The following ZNF711 variants were observed in gnomAD, a reference collection of about 807,000 sequenced individuals.
ZNF711 encodes the protein ZFX family zinc finger ZNF711, also known as zinc finger protein 711.
In ZNF711, 3 loss-of-function variants were observed where a neutral mutation model predicts 43.5. That is an observed-to-expected ratio of 0.07 (90% CI 0.03 to 0.18). The LOEUF (loss-of-function observed/expected upper bound fraction) is 0.18, where lower values mean the gene tolerates loss of function less well. Among genes scored for constraint, ZNF711 ranks in the 10% least tolerant of loss-of-function variants. The probability of loss-of-function intolerance (pLI) is 1.00; values close to 1 mark genes in which losing one functional copy is unlikely to be tolerated. For synonymous variants in ZNF711, 209 were observed against 207.7 expected, an observed-to-expected ratio of 1.01 and a Z score of -0.06; for missense variants, 412 against 604.0, an observed-to-expected ratio of 0.68 and a Z score of 3.33.
In ZNF711 at chrX:85,255,322, C is replaced by G. The variant is rs772908315; in HGVS notation, c.143C>G (p.Ala48Gly). ...CATATTGTTGTTTCAGTTCCTGAAG[C>G]TGTTTTAGTTTCTGATGTTGTCACA... is the stretch of plus-strand genomic sequence containing the variant. Reference protein sequence around the residue: ...GDHIVVSVPEAVLVSDVVTDD... With the variant: ...GDHIVVSVPEGVLVSDVVTDD... The change falls in exon 5 of 11, where the codon GCT becomes GGT. Residue 48 changes from alanine (A) to glycine (G), a missense_variant. By Grantham distance (60) the Ala-to-Gly change is moderately conservative. Around this residue, in one of 4 missense-constraint regions of ZNF711, gnomAD observed 375 missense variants for 514.2 expected, o/e 0.73. Coordinates refer to ENST00000674551, the MANE Select transcript of ZNF711 (RefSeq NM_001330574.2). The G allele has an allele frequency of 8.3e-7, 1 of 1,211,318 alleles. No individual in the cohort carries two copies. Among genetic ancestry groups the G allele is most frequent in the East Asian group, 3.0e-5 (1 of 33,828 alleles).
At chrX:85,253,497 A>G (rs1379002874) in intron 4 of ZNF711, among the ~76,000 whole-genome samples, 1 of 111,301 alleles carries the variant, frequency 9.0e-6, no homozygotes, top group Non-Finnish European at 1.9e-5. Flanking sequence ...CAGTCCATGT[A>G]CCCTTTACTT....
intron 9 of ZNF711, among the ~76,000 whole-genome samples, chrX:85,269,694 A>G (rs780557416): frequency 2.7e-4 from 30 of 111,534 alleles, no homozygotes; most frequent in African/African-American, 8.8e-4. Flanking sequence ...TTCTTATATT[A>G]CATTCATCTT....
chrX:85,269,587 G>A (rs779284912), intron 9 of ZNF711, among the ~76,000 whole-genome samples: 1 of 109,491 alleles, frequency 9.1e-6, no homozygotes, highest in Admixed American at 9.8e-5. Flanking sequence ...ATGTTGCCTA[G>A]GGTGGACTGA....
chrX:85,247,559 G>T lies in ZNF711; in HGVS notation c.-14G>T. 3.3e-6 allele frequency: 4 copies of T among 1,195,739 alleles called. No individual in the cohort carries two copies. Among genetic ancestry groups the T allele is most frequent in the Non-Finnish European group, 4.5e-6 (4 of 883,467 alleles). Reference sequence around the variant, plus strand: ...ATTTCTTTTGCAGATATTGGTGAATGAACTTTGCTAAGTATGGATTCAGGC... The same window carrying T: ...ATTTCTTTTGCAGATATTGGTGAATTAACTTTGCTAAGTATGGATTCAGGC... On this transcript the variant is annotated 5_prime_UTR_variant, in exon 4 of 11. An upstream start codon of the reference 5' UTR is lost. Transcript: ENST00000674551.
chrX:85,267,948 A>G (rs1473727763), intron 8 of ZNF711, among the ~76,000 whole-genome samples: 1 of 111,661 alleles, frequency 9.0e-6, no homozygotes, highest in African/African-American at 3.2e-5. Context: ...TGATGTTCAA[A>G]TGCATTAATT....
intron 5 of ZNF711, among the ~76,000 whole-genome samples, chrX:85,258,972 A>G (rs1471290879): frequency 9.0e-6 from 1 of 111,208 alleles, no homozygotes; most frequent in Non-Finnish European, 1.9e-5. Context: ...TTAGTCATAA[A>G]TTCTTTCCCG....
At chrX:85,256,599 A>T (rs1256656263) in intron 5 of ZNF711, among the ~76,000 whole-genome samples, 1 of 111,531 alleles carries the variant, frequency 9.0e-6, no homozygotes, top group Non-Finnish European at 1.9e-5. Flanking sequence ...TTTTTAAAAT[A>T]CAAAAATGGT....
At chrX:85,258,590 T>A (rs1474115102) in intron 5 of ZNF711, among the ~76,000 whole-genome samples, 2 of 110,308 alleles carry the variant, frequency 1.8e-5, no homozygotes, top group African/African-American at 6.6e-5. Context: ...ATAATAATAA[T>A]GATAATGGTC....
In ZNF711 at chrX:85,271,501, C is replaced by T; in HGVS notation, c.2097C>T (p.Asp699=). ...GRKIHQCRHC[D]FKTSDPFILS... ...AGATTCATCAGTGCAGGCACTGTGA[C>T]TTTAAAACATCCGATCCATTTATTC... Residue 699 remains aspartate, a synonymous_variant, in exon 11 of 11, where the codon GAC becomes GAT. Transcript: ENST00000674551. The T allele has an allele frequency of 3.3e-6, 4 of 1,211,363 alleles. No homozygotes were observed. The highest frequency in any genetic ancestry group is 3.4e-6 in the Non-Finnish European group (3 of 895,216).
At chrX:85,260,611 C>G (rs1459941810) in intron 5 of ZNF711, among the ~76,000 whole-genome samples, 1 of 96,433 alleles carries the variant, frequency 1.0e-5, no homozygotes. Flanking sequence ...GTTAGCCCCC[C>G]CCCCATCCAC....
chrX:85,247,435 A>G (rs894098390), intron 3 of ZNF711, 112 bp from the exon 4 acceptor site: 1 of 468,022 alleles, frequency 2.1e-6, no homozygotes, highest in Non-Finnish European at 3.6e-6. Context: ...TTCTTTTGTA[A>G]TAAGCTTTCC....
In ZNF711 at chrX:85,272,015, G is replaced by T; in HGVS notation, c.*187G>T. 6.8e-6 allele frequency: 3 copies of T among 441,631 alleles called. No homozygotes were observed. In the South Asian group the frequency reaches 1.1e-4, roughly 16 times the overall value. 36.4% of individuals were successfully genotyped at this position (441,631 alleles called of 1,213,427 possible). ...CATAGCCCTTTGAAAATTACTTAAA[G>T]AATTTAAGAAGCACTATAGAATGGT... is the stretch of plus-strand genomic sequence containing the variant. On this transcript the variant is annotated 3_prime_UTR_variant, in exon 11 of 11. Transcript: ENST00000674551.
chrX:85,257,820 C>T (rs1365238546), intron 5 of ZNF711, among the ~76,000 whole-genome samples: 1 of 113,417 alleles, frequency 8.8e-6, no homozygotes, highest in African/African-American at 3.2e-5. Context: ...TCCACAGCCT[C>T]ACCAACATCT....
intron 7 of ZNF711, 59 bp from the exon 8 acceptor site, chrX:85,267,219 T>C: frequency 1.1e-6 from 1 of 923,987 alleles, no homozygotes; most frequent in Admixed American, 4.7e-5. Flanking sequence ...TTGTTTGGAA[T>C]TTTTACCCAC....
At chrX:85,253,798 C>CACAG (rs1555969909) in intron 4 of ZNF711, among the ~76,000 whole-genome samples, 1 of 109,559 alleles carries the variant, frequency 9.1e-6, no homozygotes, top group Non-Finnish European at 1.9e-5. Flanking sequence ...CACACACACA[C>CACAG]ACAGACACCC....
chrX:85,269,326 C>T (rs1931362369), intron 9 of ZNF711, among the ~76,000 whole-genome samples: 1 of 109,745 alleles, frequency 9.1e-6, no homozygotes, highest in African/African-American at 3.3e-5. Flanking sequence ...GATTTTGTTT[C>T]AAATTCAGTT....
rs747407203 is a variant in ZNF711 at position 85,264,287 on chromosome X, G to A, written c.635G>A (p.Gly212Glu). 3 of 1,200,529 alleles carry A rather than the reference G, an allele frequency of 2.5e-6. No individual in the cohort carries two copies. The highest frequency in any genetic ancestry group is 3.4e-6 in the Non-Finnish European group (3 of 886,601). The part of the protein sequence containing the change: ...DYLMISLDDV[G>E]EKLEHMGNTP... ...TTATATTTTATAGTGGATGATGTTG[G>A]AGAAAAATTAGAGCATATGGGGAAT... The change falls in exon 6 of 11, where the codon GGA becomes GAA. Residue 212 changes from glycine to glutamate, a missense_variant. Transcript: ENST00000674551.
chrX:85,262,601 T>A (rs766554213), intron 5 of ZNF711, among the ~76,000 whole-genome samples: 2 of 109,775 alleles, frequency 1.8e-5, no homozygotes, highest in African/African-American at 3.3e-5. Context: ...AATCTTTTTT[T>A]ATTTTAATTT....
chrX:85,249,561 C>T lies in ZNF711; in HGVS notation c.79+1910C>T, dbSNP rs969991981. 2.7e-5 allele frequency among the ~76,000 whole-genome samples: 3 copies of T among 111,232 alleles called. No individual in the cohort carries two copies. In the Admixed American group the frequency reaches 2.9e-4, roughly 11 times the overall value. ...ATAATGTTCCTTTTAACCTTCCTTT[C>T]CATTGTTTATCCTCAATGTCTTTAG... On this transcript the variant is annotated intron_variant, in intron 4 of 10. Coordinates refer to ENST00000674551, the MANE Select transcript of ZNF711 (RefSeq NM_001330574.2).
Sources: allele counts gnomAD v4.1 joint callset (sites outside exome capture counted in the v4.1 genomes callset), GRCh38; gene constraint gnomAD v4.1.1; regional missense constraint gnomAD v4.1.1; transcripts MANE v1.5; gene names NCBI Gene and HGNC (gene_info 2026-07-23, HGNC 2026-07-21).